Variants in CACNA1E observed in about 807,000 individuals in gnomAD.
The protein encoded by CACNA1E is voltage-dependent R-type calcium channel subunit alpha-1E.
A neutral mutation model predicts 259.2 loss-of-function variants in CACNA1E; 40 were observed. That is an observed-to-expected ratio of 0.15 (90% CI 0.12 to 0.20). CACNA1E has a LOEUF of 0.20. Ranked by LOEUF, CACNA1E falls within the 10% of genes least tolerant of loss-of-function variation. The pLI, the probability that CACNA1E is intolerant of heterozygous loss-of-function variation, is 1.00. For missense variants in CACNA1E, 1,874 were observed against 3,040.1 expected (o/e 0.62, Z 9.02); for synonymous variants, 1,104 against 1,138.5 (o/e 0.97, Z 0.61).
At chr1:181,724,816 C>T (rs948114870) in intron 17 of CACNA1E, among the ~76,000 whole-genome samples, 3 of 152,216 alleles carry the variant, frequency 2.0e-5, no homozygotes, top group Non-Finnish European at 4.4e-5. Flanking sequence ...TTTCCAGGAT[C>T]ATCATGGAGA....
chr1:181,677,487 A>G (rs1440926207), intron 7 of CACNA1E, among the ~76,000 whole-genome samples: 1 of 152,206 alleles, frequency 6.6e-6, no homozygotes, highest in Non-Finnish European at 1.5e-5. Context: ...TTAGATATTT[A>G]TATCGCAGGT....
At chr1:181,650,784 A>G (rs143696222) in intron 6 of CACNA1E, among the ~76,000 whole-genome samples, 5,241 of 152,300 alleles carry the variant, frequency 0.034, 130 homozygotes, top group South Asian at 0.088. Context: ...TGTTCTGGCC[A>G]GAGCCTTGCT....
In CACNA1E at chr1:181,580,786, G is replaced by A; in HGVS notation, c.951+10G>A. ...CACTGTGCTGTACAATGTGAGTAGA[G>A]CTGGTGGGGACCTGGAAGGAGGAGG... On this transcript the variant is annotated intron_variant, in intron 6 of 47. Coordinates refer to ENST00000367573, the MANE Select transcript of CACNA1E (RefSeq NM_001205293.3). 2 of 1,613,450 alleles carry A rather than the reference G, an allele frequency of 1.2e-6. No homozygotes were observed. Among genetic ancestry groups the A allele is most frequent in the South Asian group, 2.2e-5 (2 of 91,074 alleles).
chr1:181,649,029 A>C (rs762412908), intron 6 of CACNA1E, among the ~76,000 whole-genome samples: 7 of 152,238 alleles, frequency 4.6e-5, no homozygotes, highest in Non-Finnish European at 1.0e-4. Context: ...AGAGCTAGCT[A>C]TACAAATATC....
chr1:181,731,230 C>T lies in CACNA1E; in HGVS notation c.2296C>T (p.Leu766=). 1.2e-6 allele frequency: 2 copies of T among 1,612,440 alleles called. No individual in the cohort carries two copies. The change falls in exon 19 of 48, where the codon CTG becomes TTG. Residue 766 remains leucine (L), a splice_region_variant and synonymous_variant. Transcript: ENST00000367573. ...GATGTGGGAGCCACGCAGCAGCCAC[C>T]TGTATGTGTGTACCAGTTTGCGTGT... is the stretch of plus-strand genomic sequence containing the variant. ...MSMWEPRSSH[L]RERRRRHHMS...
rs190755033 is a variant in CACNA1E at position 181,758,755 on chromosome 1, C to T, written c.4495-3C>T. The T allele has an allele frequency of 4.0e-6, 6 of 1,484,810 alleles. No individual in the cohort carries two copies. The East Asian group carries it at 1.4e-4, about 34-fold the overall frequency. 92.0% of individuals were successfully genotyped at this position (1,484,810 alleles called of 1,614,324 possible). On this transcript the variant is annotated splice_region_variant and splice_polypyrimidine_tract_variant and intron_variant, in intron 31 of 47. Transcript: ENST00000367573. The surrounding 1 kb of genome is among the most constrained non-coding windows in gnomAD (Gnocchi z 4.2). ...TTTCTCTCTTCTTTTTTCTTCCTGG[C>T]AGTATTATTCTGCTCCCTGTACCTA...
At position 181,577,854 on chromosome 1, in the gene CACNA1E, G is replaced by A. The variant is rs1651124199; in HGVS notation, c.601G>A (p.Val201Met). ...GCGTGTCCTGCGGCCTTTGAAGCTC[G>A]TGTCAGGGATACCTAGTGAGCATCT... ...AVRVLRPLKL[V>M]SGIPSLQIVL... Residue 201 changes from valine (V) to methionine (M), a missense_variant, in exon 4 of 48, where the codon GTG becomes ATG. By Grantham distance (21) the Val-to-Met change is conservative (BLOSUM62 1). Around this residue, in one of 14 missense-constraint regions of CACNA1E, gnomAD observed 55 missense variants for 156.5 expected, o/e 0.35. Transcript: ENST00000367573. 6.2e-7 allele frequency: 1 copy of A among 1,608,744 alleles called. No individual in the cohort carries two copies. The highest frequency in any genetic ancestry group is 8.5e-7 in the Non-Finnish European group (1 of 1,176,904).
rs541486156 is a variant in CACNA1E at position 181,678,177 on chromosome 1, C to G, written c.1055+26736C>G. Among the ~76,000 whole-genome samples the G allele has an allele frequency of 3.3e-5, 5 of 152,276 alleles. No individual in the cohort carries two copies. In the South Asian group the frequency reaches 6.2e-4, roughly 19 times the overall value. Reference sequence around the variant, plus strand: ...CCAGCATGAGGGCTCTAGTGGTGCCCCTCTGCCAGCCACTCTGAACTGTGG... The same window carrying G: ...CCAGCATGAGGGCTCTAGTGGTGCCGCTCTGCCAGCCACTCTGAACTGTGG... On this transcript the variant is annotated intron_variant, in intron 7 of 47. Coordinates refer to ENST00000367573, the MANE Select transcript of CACNA1E (RefSeq NM_001205293.3).
At chr1:181,763,137 C>G (rs1489172843) in intron 33 of CACNA1E, among the ~76,000 whole-genome samples, 2 of 152,114 alleles carry the variant, frequency 1.3e-5, no homozygotes, top group Non-Finnish European at 2.9e-5. Flanking sequence ...CTTCAGGCCA[C>G]TCAGTAGAAG....
chr1:181,378,283 T>C (rs1169388113), intron 1 of CACNA1E, among the ~76,000 whole-genome samples: 1 of 152,218 alleles, frequency 6.6e-6, no homozygotes, highest in Non-Finnish European at 1.5e-5. Context: ...TCACACATGG[T>C]ATATGAGATA....
chr1:181,480,202 A>T (rs1188743753), upstream of CACNA1E, among the ~76,000 whole-genome samples: 1 of 152,172 alleles, frequency 6.6e-6, no homozygotes, highest in Admixed American at 6.5e-5. Flanking sequence ...AGAAATTCAT[A>T]GATCTCAAAG....
Position 181,485,950 on chromosome 1 carries a change from G to T in CACNA1E, c.266+1940G>T, listed in dbSNP as rs935571311. Among the ~76,000 whole-genome samples the T allele has an allele frequency of 2.6e-5, 4 of 152,250 alleles. No homozygotes were observed. The highest frequency in any genetic ancestry group is 4.4e-5 in the Non-Finnish European group (3 of 68,042). ...GACAGCGCCGCTGAAACTCCCGGCG[G>T]CCCGGGGCTCCCCAGTTACCCGGGT... On this transcript the variant is annotated intron_variant, in intron 1 of 47. Coordinates refer to ENST00000367573, the MANE Select transcript of CACNA1E (RefSeq NM_001205293.3). This position sits in a 1 kb window ranked among gnomAD's most constrained non-coding sequence, Gnocchi z 4.2.
intron 1 of CACNA1E, among the ~76,000 whole-genome samples, chr1:181,384,674 C>A (rs767515002): frequency 2.6e-5 from 4 of 152,144 alleles, no homozygotes; most frequent in Non-Finnish European, 4.4e-5. Context: ...TTGTGCTTCT[C>A]CTCCTATCTT....
At chr1:181,705,308 A>G (rs535973994) in intron 7 of CACNA1E, among the ~76,000 whole-genome samples, 1 of 152,360 alleles carries the variant, frequency 6.6e-6, no homozygotes, top group African/African-American at 2.4e-5. Flanking sequence ...CTTCCACTTC[A>G]TCTTAATGAT....
chr1:181,638,401 A>G (rs1258653911), intron 6 of CACNA1E, among the ~76,000 whole-genome samples: 3 of 152,176 alleles, frequency 2.0e-5, no homozygotes, highest in Admixed American at 2.0e-4. Context: ...TCTCAAATAT[A>G]TTGTAAGTTA....
intron 3 of CACNA1E, among the ~76,000 whole-genome samples, chr1:181,550,843 T>C (rs929651900): frequency 1.3e-5 from 2 of 152,140 alleles, no homozygotes; most frequent in African/African-American, 4.8e-5. Context: ...CAGTTTGTAC[T>C]GAGAGGGAGG....
intron 6 of CACNA1E, among the ~76,000 whole-genome samples, chr1:181,647,614 C>T (rs1235593801): frequency 1.3e-5 from 2 of 152,194 alleles, no homozygotes; most frequent in Non-Finnish European, 2.9e-5. Context: ...TCGGTTGCTG[C>T]TGCTTTTTTA....
At chr1:181,490,989 C>T (rs1664269946) in intron 1 of CACNA1E, among the ~76,000 whole-genome samples, 3 of 152,206 alleles carry the variant, frequency 2.0e-5, no homozygotes, top group Admixed American at 2.0e-4. Context: ...AATTAATACT[C>T]TCGAGCCTTT....
chr1:181,750,933 C>T (rs928570347), intron 26 of CACNA1E, among the ~76,000 whole-genome samples: 4 of 151,362 alleles, frequency 2.6e-5, no homozygotes, highest in African/African-American at 7.3e-5. Flanking sequence ...ATCTTTTGGC[C>T]TCGTTTTCTG....
Sources: gnomAD v4.1 joint callset for allele counts (sites outside exome capture counted in the v4.1 genomes callset) on GRCh38, gnomAD v4.1.1 for gene constraint, gnomAD v4.1.1 regional missense constraint, Gnocchi (gnomAD v3.1) non-coding constraint, MANE v1.5 for transcripts, NCBI Gene and HGNC (gene_info 2026-07-23, HGNC 2026-07-21) for gene names.